Variants in MYRFL observed in about 807,000 individuals in gnomAD.
The protein encoded by MYRFL is myelin regulatory factor like.
Under a neutral mutation model 109.4 loss-of-function variants are expected in MYRFL, and 88 were observed. The ratio of observed to expected loss-of-function variants is 0.80; its 90% CI spans 0.68 to 0.96. MYRFL has a LOEUF of 0.96. MYRFL is among the 40% of genes least tolerant of loss of function. The pLI, the probability that MYRFL is intolerant of heterozygous loss-of-function variation, is 0.00. For synonymous variants in MYRFL, 324 were observed against 320.9 expected, an observed-to-expected ratio of 1.01 and a Z score of -0.10; for missense variants, 957 against 954.9, an observed-to-expected ratio of 1.00 and a Z score of -0.03.
intron 7 of MYRFL, 142 bp downstream of exon 7, chr12:69,891,308 C>A (rs534166304): frequency 3.3e-6 from 2 of 612,980 alleles, no homozygotes; most frequent in African/African-American, 3.8e-5. Flanking sequence ...ACTGGGTCAG[C>A]GTGTGACTAT....
chr12:69,921,525 T>C (rs992986436), intron 13 of MYRFL, among the ~76,000 whole-genome samples: 3 of 152,226 alleles, frequency 2.0e-5, no homozygotes, highest in African/African-American at 4.8e-5. Flanking sequence ...GGATTTACTG[T>C]AACAATGGGG....
intron 2 of MYRFL, among the ~76,000 whole-genome samples, chr12:69,869,299 T>C (rs1323412210): frequency 6.6e-6 from 1 of 152,170 alleles, no homozygotes; most frequent in Non-Finnish European, 1.5e-5. Context: ...CTTAGTATTG[T>C]TTTCAAATTG....
At chr12:69,935,323 C>G (rs1217637775) in intron 16 of MYRFL, among the ~76,000 whole-genome samples, 1 of 151,916 alleles carries the variant, frequency 6.6e-6, no homozygotes, top group Non-Finnish European at 1.5e-5. Context: ...TCTTTCAAGC[C>G]TAGCACAAAA....
chr12:69,937,787 A>G (rs1194842662), intron 19 of MYRFL, among the ~76,000 whole-genome samples: 1 of 152,198 alleles, frequency 6.6e-6, no homozygotes, highest in Non-Finnish European at 1.5e-5. Flanking sequence ...TTGGGGTGCA[A>G]TGTAATTTCC....
At chr12:69,909,883 C>A in intron 11 of MYRFL, 86 bp from the exon 12 acceptor site, 1 of 906,556 alleles carries the variant, frequency 1.1e-6, no homozygotes, top group Non-Finnish European at 1.6e-6. Context: ...AAAAGCAATT[C>A]AGTGATGTCT....
intron 2 of MYRFL, among the ~76,000 whole-genome samples, chr12:69,865,061 G>T (rs1219261981): frequency 2.6e-5 from 4 of 152,212 alleles, no homozygotes; most frequent in African/African-American, 9.6e-5. Context: ...TACAGGGATG[G>T]AAATGTGTGA....
chr12:69,937,422 A>G (rs1955505844), intron 19 of MYRFL, among the ~76,000 whole-genome samples: 1 of 152,226 alleles, frequency 6.6e-6, no homozygotes, highest in Admixed American at 6.5e-5. Flanking sequence ...TATGGCAACA[A>G]TTTAATTCTG....
At chr12:69,910,647 A>AT (rs1343772086) in intron 12 of MYRFL, among the ~76,000 whole-genome samples, 174 bp from the exon 13 acceptor site, 1 of 151,954 alleles carries the variant, frequency 6.6e-6, no homozygotes, top group Non-Finnish European at 1.5e-5. Flanking sequence ...AAAAAAAAAA[A>AT]AAAAGGAAAA....
At chr12:69,859,999 T>C (rs970900825) in intron 2 of MYRFL, among the ~76,000 whole-genome samples, 2 of 152,138 alleles carry the variant, frequency 1.3e-5, no homozygotes, top group Admixed American at 6.6e-5. Context: ...GTTACATAGA[T>C]AAACGTGTGC....
At chr12:69,830,837 T>C (rs1882587095) in intron 1 of MYRFL, among the ~76,000 whole-genome samples, 1 of 152,142 alleles carries the variant, frequency 6.6e-6, no homozygotes, top group Admixed American at 6.6e-5. Flanking sequence ...TCACCATCTC[T>C]GGGGAGTCCT....
intron 5 of MYRFL, 144 bp from the exon 6 acceptor site, chr12:69,886,676 C>G: frequency 1.0e-6 from 1 of 964,080 alleles, no homozygotes; most frequent in South Asian, 1.7e-5. Context: ...ATGAGGTCAG[C>G]AACACACCTC....
At chr12:69,940,572 C>G (rs1435965576) in intron 19 of MYRFL, among the ~76,000 whole-genome samples, 1 of 152,100 alleles carries the variant, frequency 6.6e-6, no homozygotes, top group Non-Finnish European at 1.5e-5. Flanking sequence ...TGGAAAGGAA[C>G]AACCGGTACC....
intron 2 of MYRFL, among the ~76,000 whole-genome samples, chr12:69,868,929 C>T (rs560500929): frequency 1.3e-5 from 2 of 151,758 alleles, no homozygotes; most frequent in African/African-American, 4.8e-5. Context: ...TGTACTCACA[C>T]GTACACACAG....
intron 13 of MYRFL, among the ~76,000 whole-genome samples, chr12:69,921,213 A>G (rs1289631622): frequency 6.6e-6 from 1 of 151,304 alleles, no homozygotes; most frequent in African/African-American, 2.4e-5. Context: ...TCTTTAAAAC[A>G]TTTTTTTTTG....
At chr12:69,931,485 T>C (rs922866574) in intron 15 of MYRFL, among the ~76,000 whole-genome samples, 1 of 152,192 alleles carries the variant, frequency 6.6e-6, no homozygotes, top group African/African-American at 2.4e-5. Flanking sequence ...CTATGTTACA[T>C]TGAAGAACAT....
chr12:69,885,389 A>G (rs1278298408), intron 5 of MYRFL, among the ~76,000 whole-genome samples: 3 of 152,168 alleles, frequency 2.0e-5, no homozygotes, highest in African/African-American at 7.2e-5. Flanking sequence ...GAAGTCCTCA[A>G]TGGAAGTATA....
intron 19 of MYRFL, among the ~76,000 whole-genome samples, chr12:69,944,881 A>C (rs929634934): frequency 6.6e-6 from 1 of 152,134 alleles, no homozygotes; most frequent in Non-Finnish European, 1.5e-5. Flanking sequence ...GTATAATTTT[A>C]AAAAAGTGAT....
intron 5 of MYRFL, among the ~76,000 whole-genome samples, chr12:69,883,952 C>T (rs990252503): frequency 6.6e-6 from 1 of 152,054 alleles, no homozygotes; most frequent in African/African-American, 2.4e-5. Context: ...CATAGTATTC[C>T]ATATAAACTC....
chr12:69,941,810 A>G (rs1028979339), intron 19 of MYRFL, among the ~76,000 whole-genome samples: 1 of 151,934 alleles, frequency 6.6e-6, no homozygotes, highest in Non-Finnish European at 1.5e-5. Context: ...AGAAAAAAAG[A>G]CAGAAGAATC....
Sources: gnomAD v4.1 joint callset for allele counts (sites outside exome capture counted in the v4.1 genomes callset) on GRCh38, gnomAD v4.1.1 for gene constraint, MANE v1.5 for transcripts, NCBI Gene and HGNC (gene_info 2026-07-23, HGNC 2026-07-21) for gene names.